CHRM3: variants seen among roughly 807,000 people sequenced by gnomAD.
CHRM3 encodes muscarinic acetylcholine receptor M3.
In CHRM3, 11 loss-of-function variants were observed where a neutral mutation model predicts 41.8. The ratio of observed to expected loss-of-function variants is 0.26; its 90% confidence interval spans 0.17 to 0.44. The LOEUF (loss-of-function observed/expected upper bound fraction) is 0.44. CHRM3 is among the 20% of genes least tolerant of loss of function. The probability of loss-of-function intolerance (pLI) is 1.00; values close to 1 mark genes in which losing one functional copy is unlikely to be tolerated. For missense variants in CHRM3, 571 were observed against 745.4 expected (o/e 0.77, Z 2.72); for synonymous variants, 297 against 301.4 (o/e 0.99, Z 0.15).
At chr1:239,722,714 A>T (rs1015919889) in intron 5 of CHRM3, among the ~76,000 whole-genome samples, 3 of 151,956 alleles carry the variant, frequency 2.0e-5, no homozygotes, top group African/African-American at 7.2e-5. Flanking sequence ...GAGTTAACAT[A>T]TTCAAGAGTG....
chr1:239,443,840 A>G (rs1268996205), intron 1 of CHRM3, among the ~76,000 whole-genome samples: 3 of 152,226 alleles, frequency 2.0e-5, no homozygotes, highest in Admixed American at 6.5e-5. Flanking sequence ...AACTTCACTC[A>G]TCAGAGAAAA....
At chr1:239,707,451 G>C in intron 5 of CHRM3, 1 of 152,276 alleles carries the variant, frequency 6.6e-6, no homozygotes, top group East Asian at 1.9e-4. Context: ...GTTTCCTTCA[G>C]TCATTTTGCA....
chr1:239,449,265 A>G (rs1350188412), intron 1 of CHRM3, among the ~76,000 whole-genome samples: 6 of 152,220 alleles, frequency 3.9e-5, no homozygotes, highest in African/African-American at 7.2e-5. Context: ...CCCCAAAGAC[A>G]TTATTACTAT....
At chr1:239,430,352 T>C (rs1662735035) in intron 1 of CHRM3, among the ~76,000 whole-genome samples, 1 of 152,138 alleles carries the variant, frequency 6.6e-6, no homozygotes, top group African/African-American at 2.4e-5. Context: ...GTTCACACTT[T>C]GATTCCAGAT....
intron 4 of CHRM3, among the ~76,000 whole-genome samples, chr1:239,662,974 TCTTC>T (rs765068840): frequency 1.7e-4 from 24 of 144,930 alleles, no homozygotes; most frequent in Non-Finnish European, 3.3e-4. Flanking sequence ...CCTTCTCCTC[TCTTC>T]CTTCCTTCCT....
chr1:239,593,855 T>C (rs1664478027), intron 3 of CHRM3, among the ~76,000 whole-genome samples: 1 of 152,206 alleles, frequency 6.6e-6, no homozygotes, highest in South Asian at 2.1e-4. Flanking sequence ...ATCTTTAGAA[T>C]AGTAATTAAA....
At chr1:239,404,746 A>ATATAT (rs1553293695) in intron 1 of CHRM3, among the ~76,000 whole-genome samples, 7 of 144,602 alleles carry the variant, frequency 4.8e-5, no homozygotes, top group Admixed American at 6.9e-5. Context: ...ATATATATAT[A>ATATAT]TATATATATA....
At chr1:239,539,256 C>T (rs760086157) in intron 2 of CHRM3, among the ~76,000 whole-genome samples, 3 of 152,078 alleles carry the variant, frequency 2.0e-5, no homozygotes, top group South Asian at 2.1e-4. Context: ...ATTTTTTTGG[C>T]CTTTGTTCTC....
intron 3 of CHRM3, among the ~76,000 whole-genome samples, chr1:239,623,245 A>G (rs1474608789): frequency 6.7e-6 from 1 of 148,294 alleles, no homozygotes; most frequent in African/African-American, 2.5e-5. Flanking sequence ...TATATCTCCT[A>G]ATGCTATCCC....
chr1:239,522,137 G>A lies in CHRM3; in HGVS notation c.-421-23504G>A, dbSNP rs377458344. On this transcript the variant is annotated intron_variant, in intron 2 of 6. Coordinates refer to ENST00000676153, the MANE Select transcript of CHRM3 (RefSeq NM_001375978.1). ...ATCTGTTGAATGTAGGCAGACTGTT[G>A]TAACTTCCTCATCCCATAAACAGTG... Among the ~76,000 whole-genome samples, 4 of 152,174 alleles carry A rather than the reference G, an allele frequency of 2.6e-5. No homozygotes were observed. In the East Asian group the frequency reaches 5.8e-4, roughly 22 times the overall value.
rs557122886 is a variant in CHRM3, at chr1:239,755,814, T to C, written c.-146-71438T>C. 7.2e-5 allele frequency among the ~76,000 whole-genome samples: 11 copies of C among 152,264 alleles called. No homozygotes were observed. The South Asian group carries it at 2.1e-3, about 29-fold the overall frequency. ...ACATTTTACAAGCTTCCTCTCAAAT[T>C]TGGGAATGTTGGAAAGTAGTGTTAA... On this transcript the variant is annotated intron_variant, in intron 5 of 6. Coordinates refer to ENST00000676153, the MANE Select transcript of CHRM3 (RefSeq NM_001375978.1).
At position 239,835,228 on chromosome 1, in the gene CHRM3, C is replaced by T. The variant is rs371213673; in HGVS notation, c.-20+7850C>T. On this transcript the variant is annotated intron_variant, in intron 6 of 6. Transcript: ENST00000676153. ...AAACTGGGCAGATCTTCAGTCTTTC[C>T]GGATCCTCCGTGCCAGCATGATTTT... Among the ~76,000 whole-genome samples the T allele has an allele frequency of 2.6e-4, 40 of 152,334 alleles. 1 individual carries two copies. In the Middle Eastern group the frequency reaches 0.01, roughly 39 times the overall value.
intron 2 of CHRM3, among the ~76,000 whole-genome samples, chr1:239,541,172 A>G (rs1436395294): frequency 7.3e-6 from 1 of 137,042 alleles, no homozygotes; most frequent in Admixed American, 8.0e-5. Flanking sequence ...CAGGTGAGCA[A>G]GAACCTATCA....
intron 5 of CHRM3, among the ~76,000 whole-genome samples, chr1:239,700,562 C>T (rs1660590272): frequency 6.6e-6 from 1 of 152,122 alleles, no homozygotes; most frequent in African/African-American, 2.4e-5. Context: ...ATCAAACAAG[C>T]CTTTTCCTAG....
intron 5 of CHRM3, among the ~76,000 whole-genome samples, chr1:239,780,817 TTGTG>T (rs58429256): frequency 0.012 from 1,838 of 150,338 alleles, 31 homozygotes; most frequent in African/African-American, 0.041. Flanking sequence ...CTACATTTAT[TTGTG>T]TGTGTGTGTG....
intron 6 of CHRM3, among the ~76,000 whole-genome samples, chr1:239,858,675 G>GT (rs1455561744): frequency 6.6e-6 from 1 of 152,056 alleles, no homozygotes; most frequent in Non-Finnish European, 1.5e-5. Flanking sequence ...TTCATTCAGT[G>GT]TTGGTACCTG....
chr1:239,582,248 T>C (rs1415135120), intron 3 of CHRM3, among the ~76,000 whole-genome samples: 1 of 152,210 alleles, frequency 6.6e-6, no homozygotes, highest in Non-Finnish European at 1.5e-5. Context: ...TTTGGAGTGC[T>C]CTGTAGGCTT....
At chr1:239,657,799 A>G (rs1672846375) in intron 4 of CHRM3, among the ~76,000 whole-genome samples, 2 of 152,214 alleles carry the variant, frequency 1.3e-5, no homozygotes, top group Non-Finnish European at 2.9e-5. Context: ...AATTACATTA[A>G]TAACATCATC....
intron 3 of CHRM3, among the ~76,000 whole-genome samples, chr1:239,557,228 T>G (rs1660447233): frequency 6.6e-6 from 1 of 152,192 alleles, no homozygotes; most frequent in Non-Finnish European, 1.5e-5. Flanking sequence ...TCTTTACATC[T>G]GAGTTCTCTG....
Sources: allele counts gnomAD v4.1 joint callset (sites outside exome capture counted in the v4.1 genomes callset), GRCh38; gene constraint gnomAD v4.1.1; transcripts MANE v1.5; gene names NCBI Gene and HGNC (gene_info 2026-07-23, HGNC 2026-07-21).